The following BIRC2 variants were observed in gnomAD, a reference collection of about 807,000 sequenced individuals.
The protein encoded by BIRC2 is baculoviral IAP repeat-containing protein 2.
Under a neutral mutation model 60.9 loss-of-function variants are expected in BIRC2, and 18 were observed. The observed-to-expected ratio is 0.30, with a 90% CI of 0.20 to 0.44. The LOEUF is 0.44. Ranked by LOEUF, BIRC2 falls within the 20% of genes least tolerant of loss-of-function variation. BIRC2 has a pLI of 1.00. For synonymous variants in BIRC2, 282 were observed against 247.7 expected (o/e 1.14, Z -1.30); for missense variants, 701 against 728.5 (o/e 0.96, Z 0.43).
Position 102,377,698 on chromosome 11 carries a change from C to T in BIRC2, c.1569C>T (p.Ile523=), listed in dbSNP as rs755221132. The T allele has an allele frequency of 1.9e-6, 3 of 1,609,322 alleles. No individual in the cohort carries two copies. The part of the protein sequence containing the change: ...ILVKGNAAAN[I]FKNCLKEIDS... The stretch of plus-strand genomic sequence containing the variant: ...TTAAAGGAAATGCTGCGGCCAACAT[C>T]TTCAAAAACTGTCTAAAAGAAATTG... The change falls in exon 7 of 9, where the codon ATC becomes ATT. Residue 523 remains isoleucine (I), a synonymous_variant. Transcript: ENST00000227758.
At chr11:102,363,341 AAAAC>A (rs1246461108) in intron 4 of BIRC2, among the ~76,000 whole-genome samples, 1 of 152,238 alleles carries the variant, frequency 6.6e-6, no homozygotes, top group Middle Eastern at 3.2e-3. Context: ...GTTTTCCAGA[AAAAC>A]AAACAAAAAA....
chr11:102,359,667 C>T (rs1951463882), intron 3 of BIRC2, among the ~76,000 whole-genome samples: 1 of 152,218 alleles, frequency 6.6e-6, no homozygotes, highest in Admixed American at 6.5e-5. Flanking sequence ...ATCCAACTCT[C>T]TCCTGGCCTA....
chr11:102,364,174 TACAC>T (rs376590420), intron 5 of BIRC2, among the ~76,000 whole-genome samples: 7 of 78,114 alleles, frequency 9.0e-5, no homozygotes, highest in African/African-American at 4.7e-4. Context: ...TATATATATA[TACAC>T]ACACACACAG....
chr11:102,363,566 AG>A (rs1168241068), intron 4 of BIRC2, 101 bp from the exon 5 acceptor site: 1 of 803,832 alleles, frequency 1.2e-6, no homozygotes. Context: ...AGTTCTCAAA[AG>A]AACATATACA....
intron 6 of BIRC2, among the ~76,000 whole-genome samples, chr11:102,374,412 T>C (rs1951676502): frequency 6.7e-6 from 1 of 148,322 alleles, no homozygotes. Context: ...TGCAGGTCTG[T>C]TGGAATACCC....
At chr11:102,356,565 G>T (rs1951423815) in intron 3 of BIRC2, among the ~76,000 whole-genome samples, 1 of 151,834 alleles carries the variant, frequency 6.6e-6, no homozygotes, top group Non-Finnish European at 1.5e-5. Flanking sequence ...TTATGTTGAG[G>T]TATATTCCTT....
rs764788812 is a variant in BIRC2, at chr11:102,368,504, AAAG to A, written c.1324_1326del (p.Arg442del). Reference sequence around the variant, plus strand: ...GCACTTCTTAATGCTGAAGATGAAAAAAGAGAAGAGGAGAAGGAAAAACAAGCT... The same window carrying A: ...GCACTTCTTAATGCTGAAGATGAAAAAGAAGAGGAGAAGGAAAAACAAGCT... On this transcript the variant is annotated inframe_deletion, in exon 6 of 9. Coordinates refer to ENST00000227758, the MANE Select transcript of BIRC2 (RefSeq NM_001166.5). 11 of 1,613,852 alleles carry A rather than the reference AAAG, an allele frequency of 6.8e-6. No individual in the cohort carries two copies. The South Asian group carries it at 1.2e-4, about 18-fold the overall frequency.
intron 4 of BIRC2, among the ~76,000 whole-genome samples, 168 bp from the exon 5 acceptor site, chr11:102,363,500 A>G (rs1951508357): frequency 6.6e-6 from 1 of 152,248 alleles, no homozygotes; most frequent in African/African-American, 2.4e-5. Context: ...CATGAAATTT[A>G]AGGAAATCTA....
chr11:102,362,592 T>TA, intron 3 of BIRC2: 1 of 206,874 alleles, frequency 4.8e-6, no homozygotes, highest in East Asian at 1.0e-4. Context: ...AAGCACAAAA[T>TA]AGATTGTGTA....
intron 3 of BIRC2, among the ~76,000 whole-genome samples, chr11:102,352,689 C>T (rs773038907): frequency 6.6e-6 from 1 of 152,218 alleles, no homozygotes; most frequent in East Asian, 1.9e-4. Flanking sequence ...CCTTTGCCTC[C>T]GAAAGTGCTG....
chr11:102,362,408 T>C (rs969535634), intron 3 of BIRC2, among the ~76,000 whole-genome samples: 8 of 152,220 alleles, frequency 5.3e-5, no homozygotes, highest in Non-Finnish European at 1.2e-4. Flanking sequence ...TGTCATATTA[T>C]ATATAGATAA....
chr11:102,378,175 C>T lies in BIRC2; in HGVS notation c.1849C>T (p.Leu617Phe). ...AATCAAGGGTACTGTTCGTACATTT[C>T]TCTCTTAAAGAAAAATAGTCTATAT... Reference protein sequence around the residue: ...GIIKGTVRTFLS With the variant: ...GIIKGTVRTFFS Residue 617 changes from leucine to phenylalanine, a missense_variant, in exon 9 of 9, where the codon CTC becomes TTC. By Grantham distance (22) the Leu-to-Phe change is conservative. Coordinates refer to ENST00000227758, the MANE Select transcript of BIRC2 (RefSeq NM_001166.5). The T allele has an allele frequency of 1.3e-6, 2 of 1,582,650 alleles. No individual in the cohort carries two copies. Among genetic ancestry groups the T allele is most frequent in the Non-Finnish European group, 1.7e-6 (2 of 1,169,556 alleles).
chr11:102,350,145 C>T lies in BIRC2; in HGVS notation c.291C>T (p.Asp97=). 6.2e-7 allele frequency: 1 copy of T among 1,614,214 alleles called. No homozygotes were observed. The highest frequency in any genetic ancestry group is 8.5e-7 in the Non-Finnish European group (1 of 1,180,040). ...GLMLDNWKLG[D]SPIQKHKQLY... Reference sequence around the variant, plus strand: ...TGCTGGATAACTGGAAACTAGGAGACAGTCCTATTCAAAAGCATAAACAGC... The same window carrying T: ...TGCTGGATAACTGGAAACTAGGAGATAGTCCTATTCAAAAGCATAAACAGC... The change falls in exon 2 of 9, where the codon GAC becomes GAT. Residue 97 remains aspartate (D), a synonymous_variant. Coordinates refer to ENST00000227758, the MANE Select transcript of BIRC2 (RefSeq NM_001166.5).
intron 6 of BIRC2, among the ~76,000 whole-genome samples, chr11:102,373,739 C>T (rs910432209): frequency 1.3e-5 from 2 of 151,314 alleles, no homozygotes; most frequent in Admixed American, 1.3e-4. Context: ...GGGAAGTTCT[C>T]CTGGATAATA....
intron 6 of BIRC2, 148 bp from the exon 7 acceptor site, chr11:102,377,348 A>G: frequency 1.4e-6 from 1 of 694,770 alleles, no homozygotes; most frequent in East Asian, 3.2e-5. Context: ...TCCAAACAAC[A>G]AACTTACAAA....
At chr11:102,368,248 T>A in intron 5 of BIRC2, 58 bp from the exon 6 acceptor site, 1 of 1,550,416 alleles carries the variant, frequency 6.4e-7, no homozygotes, top group Non-Finnish European at 8.8e-7. Flanking sequence ...GCCATGATAC[T>A]TTTTTCCATA....
Position 102,349,974 on chromosome 11 carries a change from G to A in BIRC2, c.120G>A (p.Lys40=), listed in dbSNP as rs778599181. ...CAAACAGCAACAAACAAAAAATGAA[G>A]TATGACTTTTCCTGTGAACTCTACA... is the stretch of plus-strand genomic sequence containing the variant. ...DWTNSNKQKM[K]YDFSCELYRM... Residue 40 remains lysine (K), a synonymous_variant, in exon 2 of 9, where the codon AAG becomes AAA. Transcript: ENST00000227758. 141 of 1,614,076 alleles carry A rather than the reference G, an allele frequency of 8.7e-5. No individual in the cohort carries two copies. In the Admixed American group the frequency reaches 2.3e-3, roughly 26 times the overall value.
At chr11:102,353,283 G>A (rs150907656) in intron 3 of BIRC2, among the ~76,000 whole-genome samples, 4 of 152,190 alleles carry the variant, frequency 2.6e-5, no homozygotes, top group South Asian at 2.1e-4. Flanking sequence ...ATGTAGGGGC[G>A]TGTTTTGTAA....
chr11:102,369,298 A>G lies in BIRC2; in HGVS notation c.1366+750A>G, dbSNP rs1391525807. On this transcript the variant is annotated intron_variant, in intron 6 of 8. Transcript: ENST00000227758. ...CATCTAGCATTAGGTATATCTCCCA[A>G]TGCTATCCCTCCCCCCTCCCCCCAC... Among the ~76,000 whole-genome samples, 268 of 135,630 alleles carry G rather than the reference A, an allele frequency of 2.0e-3. 1 individual carries two copies. Among genetic ancestry groups the G allele is most frequent in the African/African-American group, 6.5e-3 (237 of 36,458 alleles). 89.0% of individuals were successfully genotyped at this position (135,630 alleles called of 152,430 possible).
Sources: gnomAD v4.1 joint callset for allele counts (sites outside exome capture counted in the v4.1 genomes callset) on GRCh38, gnomAD v4.1.1 for gene constraint, MANE v1.5 for transcripts, NCBI Gene and HGNC (gene_info 2026-07-23, HGNC 2026-07-21) for gene names.